Variants in ZFYVE28 observed in about 807,000 individuals in gnomAD.
ZFYVE28 encodes zinc finger FYVE-type containing 28, also known as lateral signaling target protein 2 homolog.
In ZFYVE28, 40 loss-of-function variants were observed where a neutral mutation model predicts 82.1. The ratio of observed to expected loss-of-function variants is 0.49; its 90% CI spans 0.38 to 0.63. ZFYVE28 has a LOEUF of 0.63. Ranked by LOEUF, ZFYVE28 falls within the 30% of genes least tolerant of loss-of-function variation. ZFYVE28 has a pLI of 0.00. For missense variants in ZFYVE28, 1,321 were observed against 1,242.1 expected (o/e 1.06, Z -0.96); for synonymous variants, 612 against 546.1 (o/e 1.12, Z -1.68).
intron 1 of ZFYVE28, among the ~76,000 whole-genome samples, chr4:2,396,080 G>T (rs1454990821): frequency 6.7e-6 from 1 of 148,568 alleles, no homozygotes; most frequent in Non-Finnish European, 1.5e-5. Context: ...CCAAGGCGGG[G>T]GTGTCTGAGC....
chr4:2,381,724 G>T (rs1000604374), intron 1 of ZFYVE28, among the ~76,000 whole-genome samples: 1 of 152,198 alleles, frequency 6.6e-6, no homozygotes, highest in Non-Finnish European at 1.5e-5. Context: ...TGTGATAGAA[G>T]AGAAAAACCC....
At position 2,270,266 on chromosome 4, in the gene ZFYVE28, G is replaced by A. The variant is rs754138009; in HGVS notation, c.*459C>T. ...GGAGAATGGGTAGCCTGCATTTGACGTTTGGGAGGCACATAGGGAGCCCTG... is the reference window on the plus strand; with the variant it reads ...GGAGAATGGGTAGCCTGCATTTGACATTTGGGAGGCACATAGGGAGCCCTG... On this transcript the variant is annotated 3_prime_UTR_variant, in exon 13 of 13. Coordinates refer to ENST00000290974, the MANE Select transcript of ZFYVE28 (RefSeq NM_020972.3). 15 of 173,654 alleles carry A rather than the reference G, an allele frequency of 8.6e-5. No individual in the cohort carries two copies. Among genetic ancestry groups the A allele is most frequent in the East Asian group, 1.7e-4 (1 of 5,832 alleles). 10.8% of individuals were successfully genotyped at this position (173,654 alleles called of 1,614,324 possible). A position where few individuals can be genotyped will look rare whatever the true frequency, so the allele number is the denominator to read the frequency against.
chr4:2,328,083 GT>G (rs1366956099), intron 6 of ZFYVE28, among the ~76,000 whole-genome samples: 1 of 152,170 alleles, frequency 6.6e-6, no homozygotes, highest in African/African-American at 2.4e-5. Flanking sequence ...TCTGAAATCA[GT>G]TTGTTGAAGG....
chr4:2,273,823 G>A (rs906751399), intron 9 of ZFYVE28, among the ~76,000 whole-genome samples: 2 of 150,878 alleles, frequency 1.3e-5, no homozygotes, highest in Non-Finnish European at 3.0e-5. Flanking sequence ...CACTGCCCCC[G>A]CCGCCACTCC....
intron 2 of ZFYVE28, chr4:2,342,621 A>G (rs1216118533): frequency 6.6e-6 from 1 of 152,246 alleles, no homozygotes; most frequent in Non-Finnish European, 1.5e-5. Flanking sequence ...TTCAAAATAT[A>G]AAGTATAACA....
At position 2,274,065 on chromosome 4, in the gene ZFYVE28, A is replaced by C; in HGVS notation, c.2203T>G (p.Ser735Ala). 1 of 1,614,002 alleles carries C rather than the reference A, an allele frequency of 6.2e-7. No homozygotes were observed. Among genetic ancestry groups the C allele is most frequent in the Non-Finnish European group, 8.5e-7 (1 of 1,179,980 alleles). The change falls in exon 9 of 13, where the codon TCA becomes GCA. Residue 735 changes from serine to alanine, a missense_variant. Transcript: ENST00000290974. Reference sequence around the variant, plus strand: ...GTCTCAGGCCCTGACATGACACCTGAAATGCAGACGAACAGGCGGTGGATG... The same window carrying C: ...GTCTCAGGCCCTGACATGACACCTGCAATGCAGACGAACAGGCGGTGGATG... ...DLIHRLFVCI[S>A]GVADQLQTNY...
Position 2,308,677 on chromosome 4 carries a change from G to GAAAGAA in ZFYVE28, c.804-3142_804-3141insTTCTTT, listed in dbSNP as rs1176221450. ...AGAAAGAAAGAAAGAAAGAAAGAAA[G>GAAAGAA]AGAAAGAAAGAAAAGAAAAGAAAAG... On this transcript the variant is annotated intron_variant, in intron 7 of 12. Transcript: ENST00000290974. 9.1e-4 allele frequency among the ~76,000 whole-genome samples: 70 copies of GAAAGAA among 76,532 alleles called. 2 individuals carry two copies. Among genetic ancestry groups the GAAAGAA allele is most frequent in the Middle Eastern group, 6.6e-3 (1 of 152 alleles). 50.2% of individuals were successfully genotyped at this position (76,532 alleles called of 152,430 possible).
intron 1 of ZFYVE28, among the ~76,000 whole-genome samples, chr4:2,358,072 T>C (rs4974677): frequency 0.1 from 15,613 of 152,084 alleles, 880 homozygotes; most frequent in East Asian, 0.12. Flanking sequence ...GAGCAAAGAA[T>C]GGGGTACTTG....
intron 1 of ZFYVE28, chr4:2,364,378 C>T (rs1393166431): frequency 1.1e-6 from 1 of 937,954 alleles, no homozygotes; most frequent in Non-Finnish European, 1.3e-6. Flanking sequence ...CCACTGAACG[C>T]CCTGCCCGCC....
intron 8 of ZFYVE28, chr4:2,286,020 CCA>C (rs1342990570): frequency 6.6e-6 from 1 of 152,440 alleles, no homozygotes; most frequent in Non-Finnish European, 1.5e-5. Context: ...CACTCTGGGC[CCA>C]GTCACTGCTC....
chr4:2,337,517 G>A (rs1419486242), intron 4 of ZFYVE28, 21 bp from the exon 5 acceptor site: 1 of 1,583,306 alleles, frequency 6.3e-7, no homozygotes, highest in African/African-American at 1.3e-5. Flanking sequence ...ATGGAGACCT[G>A]TGAGGCCGCA....
In ZFYVE28 at chr4:2,344,299, C is replaced by T. The variant is rs143359551; in HGVS notation, c.181-2684G>A. On this transcript the variant is annotated intron_variant, in intron 2 of 12. Transcript: ENST00000290974. ...GGAGATGACCTAAGTTCAGGAAAGA[C>T]GCACCTGAATGATTTGAGGGAGCAG... 1.8e-4 allele frequency among the ~76,000 whole-genome samples: 28 copies of T among 152,252 alleles called. No homozygotes were observed. In the East Asian group the frequency reaches 3.1e-3, roughly 17 times the overall value.
intron 1 of ZFYVE28, among the ~76,000 whole-genome samples, chr4:2,404,748 C>G (rs1484424679): frequency 1.3e-5 from 2 of 151,990 alleles, no homozygotes; most frequent in African/African-American, 4.8e-5. Context: ...GCTTTGAAAT[C>G]AGAGAGAGCC....
chr4:2,411,748 C>T (rs1281201770), intron 1 of ZFYVE28, among the ~76,000 whole-genome samples: 1 of 152,172 alleles, frequency 6.6e-6, no homozygotes, highest in African/African-American at 2.4e-5. Context: ...ACAAATGACC[C>T]TCACACCTCA....
intron 8 of ZFYVE28, among the ~76,000 whole-genome samples, chr4:2,290,829 C>T (rs889280309): frequency 6.6e-6 from 1 of 152,134 alleles, no homozygotes; most frequent in Non-Finnish European, 1.5e-5. Context: ...ATAATCTGGT[C>T]CCTCCTGGCC....
chr4:2,330,440 G>A (rs950845945), intron 6 of ZFYVE28: 1 of 1,061,306 alleles, frequency 9.4e-7, no homozygotes, highest in Non-Finnish European at 1.1e-6. Context: ...ATCATGGAGG[G>A]GACAGCACGG....
rs991699867 is a variant in ZFYVE28 at position 2,418,338 on chromosome 4, T to G, written c.-15A>C. 2.5e-5 allele frequency: 38 copies of G among 1,502,332 alleles called. No homozygotes were observed. Among genetic ancestry groups the G allele is most frequent in the Non-Finnish European group, 3.4e-5 (38 of 1,122,864 alleles). 93.1% of individuals were successfully genotyped at this position (1,502,332 alleles called of 1,614,324 possible). ...CTGTTCATCATCGCCGCGCCGGCCCTGGCCGGACTCCGGGCGGCCCTCGCC... is the reference window on the plus strand; with the variant it reads ...CTGTTCATCATCGCCGCGCCGGCCCGGGCCGGACTCCGGGCGGCCCTCGCC... On this transcript the variant is annotated 5_prime_UTR_variant, in exon 1 of 13. Transcript: ENST00000290974. This position sits in a 1 kb window ranked among gnomAD's most constrained non-coding sequence, Gnocchi z 4.6.
intron 2 of ZFYVE28, among the ~76,000 whole-genome samples, chr4:2,353,730 G>A (rs1243301039): frequency 2.0e-5 from 3 of 152,096 alleles, no homozygotes; most frequent in South Asian, 4.1e-4. Context: ...TGTCCCGTGC[G>A]GTTTCTCACT....
Position 2,292,684 on chromosome 4 carries a change from A to G in ZFYVE28, c.2051+11605T>C, listed in dbSNP as rs775500201. 3.9e-5 allele frequency among the ~76,000 whole-genome samples: 6 copies of G among 152,202 alleles called. No homozygotes were observed. In the South Asian group the frequency reaches 1.2e-3, roughly 31 times the overall value. On this transcript the variant is annotated intron_variant, in intron 8 of 12. Coordinates refer to ENST00000290974, the MANE Select transcript of ZFYVE28 (RefSeq NM_020972.3). ...TGTAGTCAAAAATCTTCGCACAAAG[A>G]AAACTCCAGGCCCAGATGGCTTCCC...
Sources: allele counts gnomAD v4.1 joint callset (sites outside exome capture counted in the v4.1 genomes callset), GRCh38; gene constraint gnomAD v4.1.1; non-coding constraint Gnocchi (gnomAD v3.1); transcripts MANE v1.5; gene names NCBI Gene and HGNC (gene_info 2026-07-23, HGNC 2026-07-21).